ZYG11B: variants seen among roughly 807,000 people sequenced by gnomAD.
ZYG11B encodes zyg-11 family member B, cell cycle regulator.
In ZYG11B, 36 loss-of-function variants were observed where a neutral mutation model predicts 82.4. The observed-to-expected ratio is 0.44, with a 90% CI of 0.33 to 0.58. ZYG11B has a LOEUF of 0.58. Ranked by LOEUF, ZYG11B falls within the 20% of genes least tolerant of loss-of-function variation. The pLI, the probability that ZYG11B is intolerant of heterozygous loss-of-function variation, is 0.02. For missense variants in ZYG11B, 552 were observed against 895.6 expected (o/e 0.62, Z 4.90); for synonymous variants, 303 against 312.8 (o/e 0.97, Z 0.33).
rs769350933 is a variant in ZYG11B, at chr1:52,771,591, T to C, written c.768T>C (p.Leu256=). The change falls in exon 3 of 14, where the codon CTT becomes CTC. Residue 256 remains leucine, a synonymous_variant. Coordinates refer to ENST00000294353, the MANE Select transcript of ZYG11B (RefSeq NM_024646.3). The surrounding 1 kb of genome is among the most constrained non-coding windows in gnomAD (Gnocchi z 5.4). The part of the protein sequence containing the change: ...DDKQFTSDIA[L]RLLEQKDILP... ...AACAGTTTACATCAGACATAGCTCT[T>C]CGCTTACTAGAACAAAAAGACATCC... 2 of 1,614,116 alleles carry C rather than the reference T, an allele frequency of 1.2e-6. No individual in the cohort carries two copies. The highest frequency in any genetic ancestry group is 3.3e-5 in the Admixed American group (2 of 60,008).
intron 2 of ZYG11B, among the ~76,000 whole-genome samples, chr1:52,769,801 A>G (rs929693405): frequency 6.6e-6 from 1 of 152,184 alleles, no homozygotes; most frequent in South Asian, 2.1e-4. Context: ...AGTTCCTCTC[A>G]TGACTTCAGG....
Position 52,751,458 on chromosome 1 carries a change from C to T in ZYG11B, c.31-5000C>T, listed in dbSNP as rs565959118. On this transcript the variant is annotated intron_variant, in intron 1 of 13. Coordinates refer to ENST00000294353, the MANE Select transcript of ZYG11B (RefSeq NM_024646.3). The stretch of plus-strand genomic sequence containing the variant: ...CAGCCTGGCCAACATGGTGAAACCC[C>T]GTCTCTACCAAAAATACAAAAATTA... Among the ~76,000 whole-genome samples, 28 of 152,010 alleles carry T rather than the reference C, an allele frequency of 1.8e-4. No homozygotes were observed. In the East Asian group the frequency reaches 3.5e-3, roughly 19 times the overall value.
In ZYG11B at chr1:52,771,846, G is replaced by T; in HGVS notation, c.951+72G>T. On this transcript the variant is annotated intron_variant, in intron 3 of 13. Coordinates refer to ENST00000294353, the MANE Select transcript of ZYG11B (RefSeq NM_024646.3). The surrounding 1 kb of genome is among the most constrained non-coding windows in gnomAD (Gnocchi z 5.4). ...AGTTGCATAAGACTCTATTAAAGATGAATGTCTGTAATATATGGAACATGT... is the reference window on the plus strand; with the variant it reads ...AGTTGCATAAGACTCTATTAAAGATTAATGTCTGTAATATATGGAACATGT... 3 of 1,480,240 alleles carry T rather than the reference G, an allele frequency of 2.0e-6. No individual in the cohort carries two copies. Among genetic ancestry groups the T allele is most frequent in the Non-Finnish European group, 2.7e-6 (3 of 1,095,774 alleles). 91.7% of individuals were successfully genotyped at this position (1,480,240 alleles called of 1,614,324 possible).
At chr1:52,806,325 A>T (rs890713303) in intron 10 of ZYG11B, among the ~76,000 whole-genome samples, 1 of 152,186 alleles carries the variant, frequency 6.6e-6, no homozygotes, top group Non-Finnish European at 1.5e-5. Context: ...TAATAATTAG[A>T]TTGTACAGTG....
chr1:52,732,959 A>T (rs2149917121), intron 1 of ZYG11B, among the ~76,000 whole-genome samples: 1 of 152,262 alleles, frequency 6.6e-6, no homozygotes, highest in East Asian at 1.9e-4. Flanking sequence ...CTGGGCAAAA[A>T]GAGTGAAACT....
chr1:52,794,604 CTG>C (rs1644992563), intron 6 of ZYG11B, among the ~76,000 whole-genome samples: 2 of 152,118 alleles, frequency 1.3e-5, no homozygotes, highest in African/African-American at 2.4e-5. Context: ...GTGCAGATGA[CTG>C]TGGATCTCTG....
At chr1:52,758,940 T>C (rs570186408) in intron 2 of ZYG11B, among the ~76,000 whole-genome samples, 8 of 152,246 alleles carry the variant, frequency 5.3e-5, no homozygotes, top group South Asian at 2.1e-4. Flanking sequence ...ATTATTATTA[T>C]TATTATTTTG....
intron 2 of ZYG11B, among the ~76,000 whole-genome samples, chr1:52,770,739 G>A (rs1040920402): frequency 3.3e-5 from 5 of 152,216 alleles, no homozygotes; most frequent in African/African-American, 1.2e-4. Context: ...GGGAAATGTA[G>A]TTGTCTGGTA....
At chr1:52,742,200 A>G (rs896573587) in intron 1 of ZYG11B, among the ~76,000 whole-genome samples, 3 of 152,102 alleles carry the variant, frequency 2.0e-5, no homozygotes, top group Non-Finnish European at 2.9e-5. Context: ...ACTCACGCCT[A>G]TTACCCCAGC....
At chr1:52,779,403 T>C (rs1644836251) in intron 3 of ZYG11B, among the ~76,000 whole-genome samples, 1 of 152,234 alleles carries the variant, frequency 6.6e-6, no homozygotes, top group Admixed American at 6.5e-5. Context: ...CTGTTTAAGA[T>C]GACTAATCTG....
chr1:52,821,342 A>T (rs757801174), intron 13 of ZYG11B, 97 bp from the exon 14 acceptor site: 75 of 1,289,916 alleles, frequency 5.8e-5, no homozygotes, highest in Non-Finnish European at 7.6e-5. Context: ...GCTAAAAAAA[A>T]ATGGCTCCTA....
chr1:52,827,137 T>G lies in ZYG11B; in HGVS notation c.*5508T>G, dbSNP rs1395785361. 6.6e-6 allele frequency: 1 copy of G among 152,200 alleles called. No individual in the cohort carries two copies. The highest frequency in any genetic ancestry group is 6.5e-5 in the Admixed American group (1 of 15,276). 9.4% of individuals were successfully genotyped at this position (152,200 alleles called of 1,614,324 possible). A position where few individuals can be genotyped will look rare whatever the true frequency, so the allele number is the denominator to read the frequency against. On this transcript the variant is annotated 3_prime_UTR_variant, in exon 14 of 14. Coordinates refer to ENST00000294353, the MANE Select transcript of ZYG11B (RefSeq NM_024646.3). ...ACTCCTTTCTAAGGATATAAAAAAT[T>G]CATTGGAAAGTGTGTATATTTCAAA...
At chr1:52,797,831 A>G (rs747996871) in intron 8 of ZYG11B, among the ~76,000 whole-genome samples, 1 of 150,476 alleles carries the variant, frequency 6.6e-6, no homozygotes, top group East Asian at 2.0e-4. Flanking sequence ...TTTAATAAAA[A>G]TTTTTTGTGG....
chr1:52,770,970 C>T (rs745715605), intron 2 of ZYG11B, 50 bp from the exon 3 acceptor site: 2 of 1,546,746 alleles, frequency 1.3e-6, no homozygotes, highest in African/African-American at 2.7e-5. Context: ...GAAATTTTGG[C>T]TATTCTTTAA....
intron 3 of ZYG11B, among the ~76,000 whole-genome samples, chr1:52,774,096 G>T (rs535335767): frequency 8.0e-4 from 122 of 151,674 alleles, no homozygotes; most frequent in South Asian, 2.9e-3. Context: ...TTAGATGATT[G>T]CAGTGTCCAG....
rs534302790 is a variant in ZYG11B, at chr1:52,820,108, G to T, written c.2045-1331G>T. On this transcript the variant is annotated intron_variant, in intron 13 of 13. Coordinates refer to ENST00000294353, the MANE Select transcript of ZYG11B (RefSeq NM_024646.3). ...TTTTTGTATTTTTAGTAGAGACGGG[G>T]TTTCACCACGTTAGCCAGGATGGTC... Among the ~76,000 whole-genome samples, 58 of 150,946 alleles carry T rather than the reference G, an allele frequency of 3.8e-4. No homozygotes were observed. The Middle Eastern group carries it at 0.014, about 35-fold the overall frequency.
At chr1:52,817,807 ATATATATATTTT>A (rs1645245817) in intron 13 of ZYG11B, among the ~76,000 whole-genome samples, 1 of 39,556 alleles carries the variant, frequency 2.5e-5, no homozygotes, top group South Asian at 1.2e-3. Context: ...ATATATATAT[ATATATATATTTT>A]TTTTTTTTTT....
At chr1:52,729,668 C>T (rs558157030) in intron 1 of ZYG11B, among the ~76,000 whole-genome samples, 2 of 152,274 alleles carry the variant, frequency 1.3e-5, no homozygotes, top group African/African-American at 4.8e-5. Flanking sequence ...GGCAAAGCCT[C>T]GTCTCTACTA....
At position 52,796,699 on chromosome 1, in the gene ZYG11B, C is replaced by A. The variant is rs1011843051; in HGVS notation, c.1435-35C>A. 3.8e-6 allele frequency: 6 copies of A among 1,569,598 alleles called. No homozygotes were observed. The South Asian group carries it at 6.9e-5, about 18-fold the overall frequency. Reference sequence around the variant, plus strand: ...GATATTAAACTCACATTAATGAGTTCTTGGACATTGAATTTGTTTTTTACT... The same window carrying A: ...GATATTAAACTCACATTAATGAGTTATTGGACATTGAATTTGTTTTTTACT... On this transcript the variant is annotated intron_variant, in intron 7 of 13. Transcript: ENST00000294353.
Sources: allele counts gnomAD v4.1 joint callset (sites outside exome capture counted in the v4.1 genomes callset), GRCh38; gene constraint gnomAD v4.1.1; non-coding constraint Gnocchi (gnomAD v3.1); transcripts MANE v1.5; gene names NCBI Gene and HGNC (gene_info 2026-07-23, HGNC 2026-07-21).